The following HTR1F variants were observed in gnomAD, a reference collection of about 807,000 sequenced individuals.
The protein encoded by HTR1F is 5-hydroxytryptamine receptor 1F.
In HTR1F, 17 loss-of-function variants were observed where a neutral mutation model predicts 24.0. The observed-to-expected ratio is 0.71, with a 90% CI of 0.48 to 1.06. The LOEUF (loss-of-function observed/expected upper bound fraction) is 1.06, where lower values mean the gene tolerates loss of function less well. Among genes scored for constraint, HTR1F ranks in the 50% least tolerant of loss-of-function variants. The pLI, the probability that HTR1F is intolerant of heterozygous loss-of-function variation, is 0.00. For synonymous variants in HTR1F, 186 were observed against 156.8 expected, an observed-to-expected ratio of 1.19 and a Z score of -1.39; for missense variants, 391 against 427.8, an observed-to-expected ratio of 0.91 and a Z score of 0.76.
At position 87,929,692 on chromosome 3, in the gene HTR1F, G is replaced by A. The variant is rs111357813; in HGVS notation, c.-42-61016G>A. 4.5e-3 allele frequency among the ~76,000 whole-genome samples: 690 copies of A among 152,196 alleles called. 1 individual carries two copies. Among genetic ancestry groups the A allele is most frequent in the African/African-American group, 0.016 (667 of 41,546 alleles). ...TCTTGTAGCAGGACCATGCTGTTTT[G>A]GTTACTGTAGCCTTGTAAGATAGTT... On this transcript the variant is annotated intron_variant, in intron 2 of 2. Transcript: ENST00000319595.
intron 2 of HTR1F, among the ~76,000 whole-genome samples, chr3:87,982,661 A>G (rs1705571899): frequency 1.3e-5 from 2 of 152,198 alleles, no homozygotes; most frequent in Non-Finnish European, 2.9e-5. Flanking sequence ...TTAGAGAACC[A>G]AATCAGAAGC....
intron 2 of HTR1F, among the ~76,000 whole-genome samples, chr3:87,975,080 GTACT>G (rs1705365405): frequency 6.6e-6 from 1 of 151,994 alleles, no homozygotes; most frequent in African/African-American, 2.4e-5. Flanking sequence ...GGTCTCAAGT[GTACT>G]TATTTATTAA....
intron 2 of HTR1F, among the ~76,000 whole-genome samples, chr3:87,920,068 C>A (rs1703980734): frequency 7.2e-6 from 1 of 138,444 alleles, no homozygotes; most frequent in African/African-American, 2.8e-5. Context: ...TACTACTCAG[C>A]CATAAAAAGG....
chr3:87,952,555 T>C (rs1396834090), intron 2 of HTR1F, among the ~76,000 whole-genome samples: 1 of 151,952 alleles, frequency 6.6e-6, no homozygotes, highest in African/African-American at 2.4e-5. Context: ...TCAGCATCAA[T>C]AAATTGCGAT....
chr3:87,882,956 CA>C (rs1705842180), intron 2 of HTR1F, among the ~76,000 whole-genome samples: 1 of 152,160 alleles, frequency 6.6e-6, no homozygotes, highest in African/African-American at 2.4e-5. Context: ...GTGGTCCTCC[CA>C]GGATGGCGTT....
chr3:87,902,039 G>T (rs1282448679), intron 2 of HTR1F, among the ~76,000 whole-genome samples: 4 of 152,116 alleles, frequency 2.6e-5, no homozygotes, highest in Admixed American at 1.3e-4. Context: ...ATAAATATAT[G>T]AATTTTTCAC....
At chr3:87,896,429 G>A (rs529608700) in intron 2 of HTR1F, among the ~76,000 whole-genome samples, 7 of 152,292 alleles carry the variant, frequency 4.6e-5, no homozygotes, top group Admixed American at 2.6e-4. Context: ...AGAACATGTT[G>A]TGTATCTTTA....
intron 2 of HTR1F, among the ~76,000 whole-genome samples, chr3:87,910,661 GA>G (rs1324759647): frequency 1.8e-4 from 27 of 152,104 alleles, no homozygotes; most frequent in Admixed American, 3.9e-4. Flanking sequence ...AAAAACAACA[GA>G]ATATAAATTC....
chr3:87,927,847 T>C (rs1704164633), intron 2 of HTR1F, among the ~76,000 whole-genome samples: 1 of 152,176 alleles, frequency 6.6e-6, no homozygotes, highest in Non-Finnish European at 1.5e-5. Flanking sequence ...ACATAAATAT[T>C]AATACTAGTT....
chr3:87,854,839 A>G (rs1354430331), intron 2 of HTR1F, among the ~76,000 whole-genome samples: 1 of 151,944 alleles, frequency 6.6e-6, no homozygotes, highest in Admixed American at 6.6e-5. Context: ...TGACATTCAT[A>G]TCTATTAACT....
At chr3:87,841,975 C>T (rs1349577852) in intron 2 of HTR1F, among the ~76,000 whole-genome samples, 4 of 150,534 alleles carry the variant, frequency 2.7e-5, no homozygotes, top group African/African-American at 9.8e-5. Flanking sequence ...GAAGATTTCC[C>T]AAGAGCTTCT....
At position 87,822,301 on chromosome 3, in the gene HTR1F, G is replaced by A. The variant is rs187432226; in HGVS notation, c.-43+177G>A. 2.1e-3 allele frequency among the ~76,000 whole-genome samples: 316 copies of A among 152,302 alleles called. 1 individual carries two copies. Among genetic ancestry groups the A allele is most frequent in the Middle Eastern group, 6.8e-3 (2 of 294 alleles). On this transcript the variant is annotated intron_variant, in intron 2 of 2. Coordinates refer to ENST00000319595, the MANE Select transcript of HTR1F (RefSeq NM_001322209.2). The stretch of plus-strand genomic sequence containing the variant: ...ATCATTGGTTCACTAATGGCCAATA[G>A]TGTTTCAAGGTGAAAGGAAGGATGG...
intron 2 of HTR1F, among the ~76,000 whole-genome samples, chr3:87,924,954 G>C (rs1023826942): frequency 6.6e-6 from 1 of 152,026 alleles, no homozygotes; most frequent in Non-Finnish European, 1.5e-5. Flanking sequence ...TTATTAAATA[G>C]GTTTACTATA....
At chr3:87,943,462 C>T (rs1195442307) in intron 2 of HTR1F, among the ~76,000 whole-genome samples, 1 of 152,026 alleles carries the variant, frequency 6.6e-6, no homozygotes, top group African/African-American at 2.4e-5. Context: ...GCCAAATTCT[C>T]CTCTCTCACT....
chr3:87,881,843 G>A (rs1403937439), intron 2 of HTR1F, among the ~76,000 whole-genome samples: 1 of 152,158 alleles, frequency 6.6e-6, no homozygotes, highest in Admixed American at 6.5e-5. Flanking sequence ...GGCAACAAAA[G>A]CCACAATTGA....
At chr3:87,846,646 C>T (rs1704951737) in intron 2 of HTR1F, among the ~76,000 whole-genome samples, 1 of 151,848 alleles carries the variant, frequency 6.6e-6, no homozygotes, top group Admixed American at 6.6e-5. Flanking sequence ...AGTGTTATTT[C>T]CACAATTGAG....
chr3:87,935,594 T>G (rs1259199070), intron 2 of HTR1F, among the ~76,000 whole-genome samples: 3 of 152,190 alleles, frequency 2.0e-5, no homozygotes, highest in Admixed American at 1.3e-4. Context: ...ACTTGAAAAT[T>G]CTAACTGGAT....
chr3:87,808,789 T>C lies in HTR1F; in HGVS notation c.-159-13219T>C, dbSNP rs113447670. Among the ~76,000 whole-genome samples the C allele has an allele frequency of 6.8e-3, 1,035 of 152,024 alleles. 19 individuals are homozygous for C. The highest frequency in any genetic ancestry group is 0.024 in the African/African-American group (989 of 41,562). Reference sequence around the variant, plus strand: ...TTAGCACTGCTTTTGCTGTATCCCATAGATTTTGATACGTTGTGTTTGAAT... The same window carrying C: ...TTAGCACTGCTTTTGCTGTATCCCACAGATTTTGATACGTTGTGTTTGAAT... On this transcript the variant is annotated intron_variant, in intron 1 of 2. Coordinates refer to ENST00000319595, the MANE Select transcript of HTR1F (RefSeq NM_001322209.2).
rs561681353 is a variant in HTR1F at position 87,946,826 on chromosome 3, T to C, written c.-42-43882T>C. Among the ~76,000 whole-genome samples the C allele has an allele frequency of 3.9e-3, 597 of 151,890 alleles. 4 individuals carry two copies. The highest frequency in any genetic ancestry group is 0.014 in the African/African-American group (571 of 41,418). On this transcript the variant is annotated intron_variant, in intron 2 of 2. Coordinates refer to ENST00000319595, the MANE Select transcript of HTR1F (RefSeq NM_001322209.2). ...GTTTTTAGTAGAGTCGGGGTTTCAC[T>C]GTGTTAGCCAGGATGGTCTTGATCT... is the stretch of plus-strand genomic sequence containing the variant.
Sources: gnomAD v4.1 joint callset for allele counts (sites outside exome capture counted in the v4.1 genomes callset) on GRCh38, gnomAD v4.1.1 for gene constraint, MANE v1.5 for transcripts, NCBI Gene and HGNC (gene_info 2026-07-23, HGNC 2026-07-21) for gene names.